The following N4BP2L2 variants were observed in gnomAD, a reference collection of about 807,000 sequenced individuals.
N4BP2L2 encodes NEDD4 binding protein 2 like 2.
In N4BP2L2, 50 loss-of-function variants were observed where a neutral mutation model predicts 56.2. The ratio of observed to expected loss-of-function variants is 0.89; its 90% confidence interval spans 0.71 to 1.13. N4BP2L2 has a LOEUF of 1.13. Among genes scored for constraint, N4BP2L2 ranks in the 50% most tolerant of loss-of-function variants. The pLI is 0.00. For synonymous variants in N4BP2L2, 203 were observed against 223.6 expected, an observed-to-expected ratio of 0.91 and a Z score of 0.82; for missense variants, 689 against 693.8, an observed-to-expected ratio of 0.99 and a Z score of 0.08.
chr13:32,477,934 C>T, intron 6 of N4BP2L2: 1 of 1,289,372 alleles, frequency 7.8e-7, no homozygotes, highest in Non-Finnish European at 1.0e-6. Flanking sequence ...GTCAGTCTCC[C>T]TTTTGTTCTT....
In N4BP2L2 at chr13:32,522,200, C is replaced by T; in HGVS notation, c.1455G>A (p.Met485Ile). 1.3e-6 allele frequency: 2 copies of T among 1,563,096 alleles called. No individual in the cohort carries two copies. Among genetic ancestry groups the T allele is most frequent in the Non-Finnish European group, 1.7e-6 (2 of 1,153,722 alleles). Reference sequence around the variant, plus strand: ...TATTTACCACTTCCACATATGGCTTCATTTCCCAAGCTTGTATATTAGTGT... The same window carrying T: ...TATTTACCACTTCCACATATGGCTTTATTTCCCAAGCTTGTATATTAGTGT... The change falls in exon 4 of 6, where the codon ATG becomes ATA. Residue 485 changes from methionine to isoleucine, a missense_variant. Met to Ile is a conservative substitution (Grantham distance 10, BLOSUM62 1). Coordinates refer to ENST00000267068, the Ensembl canonical transcript of N4BP2L2.
chr13:32,441,016 G>A (rs59615353), intron 7 of N4BP2L2, among the ~76,000 whole-genome samples: 6,643 of 151,564 alleles, frequency 0.044, 239 homozygotes, highest in African/African-American at 0.1. Flanking sequence ...CACCACGCCC[G>A]GCTAATTTTT....
chr13:32,505,646 A>G (rs947759383), downstream of N4BP2L2: 1 of 152,228 alleles, frequency 6.6e-6, no homozygotes, highest in Non-Finnish European at 1.5e-5. Context: ...ACTTTCCACA[A>G]AACACAATTT....
intron 6 of N4BP2L2, among the ~76,000 whole-genome samples, chr13:32,459,506 C>T (rs1053995699): frequency 6.6e-6 from 1 of 151,920 alleles, no homozygotes; most frequent in Non-Finnish European, 1.5e-5. Context: ...AAACTATATG[C>T]TAACAAAGTA....
At chr13:32,508,506 G>C (rs1383854776), downstream of N4BP2L2, 1 of 152,014 alleles carries the variant, frequency 6.6e-6, no homozygotes, top group Non-Finnish European at 1.5e-5. Context: ...AATGGAGGTG[G>C]AACTCAGACT....
intron 1 of N4BP2L2, among the ~76,000 whole-genome samples, chr13:32,538,048 G>T (rs1330178292): frequency 7.5e-6 from 1 of 133,662 alleles, no homozygotes; most frequent in Non-Finnish European, 1.6e-5. Context: ...CTCCGCCTGG[G>T]CGACAGAGGG....
chr13:32,527,516 T>A, exon 3 of N4BP2L2: 1 of 1,612,734 alleles, frequency 6.2e-7, no homozygotes, highest in East Asian at 2.2e-5. Flanking sequence ...CCATCACGAT[T>A]CTGACCAAGC....
At chr13:32,450,560 G>C (rs2077782669) in intron 6 of N4BP2L2, among the ~76,000 whole-genome samples, 1 of 151,958 alleles carries the variant, frequency 6.6e-6, no homozygotes, top group Admixed American at 6.6e-5. Flanking sequence ...TCATGACCTT[G>C]TGATCTGCCC....
downstream of N4BP2L2, chr13:32,508,574 A>G (rs2091312630): frequency 1.3e-5 from 2 of 152,212 alleles, no homozygotes; most frequent in African/African-American, 2.4e-5. Flanking sequence ...AATATTTTGA[A>G]AAGTGTCCAA....
chr13:32,474,109 C>T (rs1266722132), intron 6 of N4BP2L2, among the ~76,000 whole-genome samples: 1 of 152,086 alleles, frequency 6.6e-6, no homozygotes, highest in Non-Finnish European at 1.5e-5. Flanking sequence ...GGAATGCCTT[C>T]ACTTAGGAGT....
chr13:32,443,749 C>A (rs1190409170), exon 7 of N4BP2L2: 14 of 1,572,160 alleles, frequency 8.9e-6, no homozygotes, highest in Non-Finnish European at 1.2e-5. Flanking sequence ...CAGTAACAAA[C>A]TTACAAACAA....
At chr13:32,479,213 A>G (rs1233672576) in intron 6 of N4BP2L2, among the ~76,000 whole-genome samples, 1 of 152,138 alleles carries the variant, frequency 6.6e-6, no homozygotes, top group Admixed American at 6.6e-5. Context: ...TGCCAAGATA[A>G]ATATGTGAAG....
chr13:32,446,069 T>C (rs1344342535), intron 6 of N4BP2L2, among the ~76,000 whole-genome samples: 1 of 152,146 alleles, frequency 6.6e-6, no homozygotes, highest in Non-Finnish European at 1.5e-5. Context: ...GAAAAGAGAA[T>C]AGTCAGTTGA....
At chr13:32,450,778 G>A (rs1432215747) in intron 6 of N4BP2L2, among the ~76,000 whole-genome samples, 1 of 151,868 alleles carries the variant, frequency 6.6e-6, no homozygotes, top group Non-Finnish European at 1.5e-5. Context: ...CTACAGCAGC[G>A]CCACCATGCC....
At chr13:32,515,061 C>T (rs1191992073) in exon 6 of N4BP2L2, 1 of 152,088 alleles carries the variant, frequency 6.6e-6, no homozygotes, top group Non-Finnish European at 1.5e-5. Flanking sequence ...TCGCTTGAAC[C>T]TGGGAGGTGG....
chr13:32,529,608 C>T (rs149196925), intron 2 of N4BP2L2, among the ~76,000 whole-genome samples: 116 of 151,940 alleles, frequency 7.6e-4, no homozygotes, highest in African/African-American at 2.6e-3. Flanking sequence ...TTCAACAGTA[C>T]CAGAAATCCA....
chr13:32,498,000 T>C (rs1239113065), intron 6 of N4BP2L2, among the ~76,000 whole-genome samples: 1 of 152,224 alleles, frequency 6.6e-6, no homozygotes, highest in Non-Finnish European at 1.5e-5. Context: ...TTTTTCCTTT[T>C]TCTTTGAGAG....
At chr13:32,508,075 G>A (rs1430510481), downstream of N4BP2L2, 2 of 152,058 alleles carry the variant, frequency 1.3e-5, no homozygotes, top group African/African-American at 4.8e-5. Flanking sequence ...GTATTTTAAG[G>A]AAAAACTGAT....
chr13:32,492,272 A>ATTTTTTTTTTTTTTTTTTTTTTTTTTTT (rs1185615708), intron 6 of N4BP2L2, among the ~76,000 whole-genome samples: 1 of 77,042 alleles, frequency 1.3e-5, no homozygotes, highest in African/African-American at 5.7e-5. Context: ...AAAACACCAA[A>ATTTTTTTTTTTTTTTTTTTTTTTTTTTT]ATTTTTTTTT....
Sources: gnomAD v4.1 joint callset for allele counts (sites outside exome capture counted in the v4.1 genomes callset) on GRCh38, gnomAD v4.1.1 for gene constraint, MANE v1.5 for transcripts, NCBI Gene and HGNC (gene_info 2026-07-23, HGNC 2026-07-21) for gene names.